TENM3: variants seen among roughly 807,000 people sequenced by gnomAD.
TENM3 encodes teneurin transmembrane protein 3, also known as teneurin-3.
A neutral mutation model predicts 255.1 loss-of-function variants in TENM3; 63 were observed. That is an observed-to-expected ratio of 0.25 (90% CI 0.20 to 0.30). TENM3 has a LOEUF of 0.30. TENM3 is among the 10% of genes least tolerant of loss of function. The pLI, the probability that TENM3 is intolerant of heterozygous loss-of-function variation, is 1.00. For missense variants in TENM3, 2,929 were observed against 3,461.1 expected (o/e 0.85, Z 3.86); for synonymous variants, 1,306 against 1,322.3 (o/e 0.99, Z 0.27).
chr4:181,948,483 T>TG, the TENM3 span, among the ~76,000 whole-genome samples: 1 of 152,256 alleles, frequency 6.6e-6, no homozygotes, highest in Middle Eastern at 3.4e-3. Flanking sequence ...TGGTGCGATC[T>TG]CACCTCACTG....
At chr4:182,372,067 G>A (rs1381078564) in intron 3 of TENM3, among the ~76,000 whole-genome samples, 1 of 152,170 alleles carries the variant, frequency 6.6e-6, no homozygotes, top group East Asian at 1.9e-4. Flanking sequence ...GATAAATTAT[G>A]CAAACTCTCA....
the TENM3 span, among the ~76,000 whole-genome samples, chr4:181,864,718 G>A: frequency 3.6e-4 from 55 of 152,252 alleles, no homozygotes; most frequent in African/African-American, 1.3e-3. Flanking sequence ...GTATAGGTAT[G>A]AACTGAGATC....
intron 4 of TENM3, among the ~76,000 whole-genome samples, chr4:182,621,764 A>ATATAT (rs1750262427): frequency 1.7e-5 from 1 of 59,054 alleles, no homozygotes; most frequent in Non-Finnish European, 3.4e-5. Context: ...AATATATAAT[A>ATATAT]ATTATATATT....
At chr4:182,559,665 A>G (rs971978527) in intron 3 of TENM3, among the ~76,000 whole-genome samples, 1 of 152,138 alleles carries the variant, frequency 6.6e-6, no homozygotes, top group African/African-American at 2.4e-5. Flanking sequence ...TTCTTTTTAT[A>G]ACATTTTTTC....
chr4:182,698,120 A>G (rs1265904997), intron 12 of TENM3: 2 of 152,212 alleles, frequency 1.3e-5, no homozygotes, highest in Non-Finnish European at 1.5e-5. Flanking sequence ...TCTTTCGCTC[A>G]GTGTTCCACA....
At chr4:182,025,236 G>A in the TENM3 span, among the ~76,000 whole-genome samples, 82,027 of 151,826 alleles carry the variant, frequency 0.54, 26,498 homozygotes, top group South Asian at 0.74. Flanking sequence ...CACTGTGTTG[G>A]CCAAGATGGT....
At chr4:181,555,426 A>T in the TENM3 span, among the ~76,000 whole-genome samples, 1 of 152,204 alleles carries the variant, frequency 6.6e-6, no homozygotes, top group Non-Finnish European at 1.5e-5. Context: ...GTTAATTCCT[A>T]TGATTTGCTT....
chr4:181,560,058 G>A, the TENM3 span, among the ~76,000 whole-genome samples: 8 of 152,178 alleles, frequency 5.3e-5, no homozygotes, highest in African/African-American at 1.7e-4. Context: ...TTAGGCTACT[G>A]TAACAGAATA....
the TENM3 span, among the ~76,000 whole-genome samples, chr4:181,544,261 G>A: frequency 2.1e-4 from 32 of 151,732 alleles, no homozygotes; most frequent in Non-Finnish European, 3.8e-4. Context: ...ATAAACTCTT[G>A]CAAGAGTGTT....
At chr4:182,269,185 G>T (rs1759449908) in intron 1 of TENM3, among the ~76,000 whole-genome samples, 1 of 152,162 alleles carries the variant, frequency 6.6e-6, no homozygotes, top group African/African-American at 2.4e-5. Context: ...CCTTTGACGT[G>T]GGTGTAAATC....
the TENM3 span, among the ~76,000 whole-genome samples, chr4:181,478,502 C>G: frequency 1.3e-5 from 2 of 152,152 alleles, no homozygotes; most frequent in Middle Eastern, 3.2e-3. Flanking sequence ...CCTGAACGTC[C>G]GTGCTGTCTG....
the TENM3 span, among the ~76,000 whole-genome samples, chr4:182,126,859 A>G: frequency 1.3e-5 from 2 of 152,138 alleles, no homozygotes; most frequent in South Asian, 2.1e-4. Flanking sequence ...AAGCCCAAGA[A>G]CTCCCCATCC....
intron 13 of TENM3, among the ~76,000 whole-genome samples, chr4:182,714,787 T>C (rs1172789919): frequency 6.6e-6 from 1 of 152,246 alleles, no homozygotes; most frequent in African/African-American, 2.4e-5. Flanking sequence ...ACCGTTGACC[T>C]CAGCCTCCAT....
the TENM3 span, among the ~76,000 whole-genome samples, chr4:181,803,939 C>CAAAA: frequency 1.2e-4 from 14 of 117,548 alleles, no homozygotes; most frequent in African/African-American, 2.3e-4. Context: ...ATTATCTCAA[C>CAAAA]AAAAAAAAAA....
chr4:181,553,314 G>A, the TENM3 span, among the ~76,000 whole-genome samples: 96 of 115,458 alleles, frequency 8.3e-4, 1 homozygote, highest in African/African-American at 3.1e-3. Flanking sequence ...GTGTGTATGT[G>A]TATGCGTATA....
chr4:181,748,718 G>A, the TENM3 span, among the ~76,000 whole-genome samples: 2 of 152,042 alleles, frequency 1.3e-5, no homozygotes, highest in Non-Finnish European at 1.5e-5. Flanking sequence ...AACGTTAACA[G>A]TCCAATTGCT....
the TENM3 span, among the ~76,000 whole-genome samples, chr4:181,607,545 G>A: frequency 2.0e-5 from 3 of 151,762 alleles, no homozygotes; most frequent in Admixed American, 6.6e-5. Flanking sequence ...CTCCCGAGTA[G>A]CTGAGATTAC....
chr4:181,680,805 T>C, the TENM3 span, among the ~76,000 whole-genome samples: 1 of 152,076 alleles, frequency 6.6e-6, no homozygotes, highest in Non-Finnish European at 1.5e-5. Flanking sequence ...GCATCGTTAA[T>C]CTCAACATTC....
the TENM3 span, among the ~76,000 whole-genome samples, chr4:181,558,258 A>T: frequency 4.9e-3 from 739 of 152,292 alleles, 5 homozygotes; most frequent in African/African-American, 0.017. Flanking sequence ...TTGTCAACAC[A>T]CTCATCTTTT....
Sources: gnomAD v4.1 joint callset for allele counts (sites outside exome capture counted in the v4.1 genomes callset) on GRCh38, gnomAD v4.1.1 for gene constraint, MANE v1.5 for transcripts, NCBI Gene and HGNC (gene_info 2026-07-23, HGNC 2026-07-21) for gene names.